Variants in PCNX1 observed in about 807,000 individuals in gnomAD.
PCNX1 encodes pecanex-like protein 1.
Under a neutral mutation model 242.2 loss-of-function variants are expected in PCNX1, and 78 were observed. The observed-to-expected ratio is 0.32, with a 90% CI of 0.27 to 0.39. The LOEUF (loss-of-function observed/expected upper bound fraction) is 0.39. Ranked by LOEUF, PCNX1 falls within the 10% of genes least tolerant of loss-of-function variation. The pLI, the probability that PCNX1 is intolerant of heterozygous loss-of-function variation, is 1.00. For synonymous variants in PCNX1, 1,024 were observed against 1,032.9 expected, an observed-to-expected ratio of 0.99 and a Z score of 0.17; for missense variants, 2,581 against 2,856.5, an observed-to-expected ratio of 0.90 and a Z score of 2.20.
intron 8 of PCNX1, among the ~76,000 whole-genome samples, chr14:70,998,065 A>T (rs962290292): frequency 2.6e-5 from 4 of 152,188 alleles, no homozygotes; most frequent in African/African-American, 9.7e-5. Flanking sequence ...AAGCATACAT[A>T]CACACATACA....
chr14:70,992,776 C>CTT (rs1566670441), intron 7 of PCNX1, among the ~76,000 whole-genome samples: 9 of 152,014 alleles, frequency 5.9e-5, no homozygotes, highest in African/African-American at 2.2e-4. Context: ...GACATAGAAG[C>CTT]GTAAAAAAAG....
chr14:70,920,231 A>G (rs930230887), intron 1 of PCNX1, among the ~76,000 whole-genome samples: 1 of 152,216 alleles, frequency 6.6e-6, no homozygotes, highest in African/African-American at 2.4e-5. Flanking sequence ...TTACATAACC[A>G]TGGTTTCAAA....
At chr14:71,106,900 C>G (rs901891097) in intron 33 of PCNX1, among the ~76,000 whole-genome samples, 1 of 152,176 alleles carries the variant, frequency 6.6e-6, no homozygotes, top group African/African-American at 2.4e-5. Flanking sequence ...TTTTCATTCT[C>G]TTACTGTGAA....
At chr14:71,004,242 C>T (rs1029418774) in intron 8 of PCNX1, among the ~76,000 whole-genome samples, 2 of 152,200 alleles carry the variant, frequency 1.3e-5, no homozygotes, top group African/African-American at 4.8e-5. Flanking sequence ...AGTTTTCTGA[C>T]CTTTTTATTT....
intron 1 of PCNX1, among the ~76,000 whole-genome samples, chr14:70,908,775 A>G (rs892715013): frequency 6.6e-6 from 1 of 152,220 alleles, no homozygotes; most frequent in African/African-American, 2.4e-5. Flanking sequence ...GCTTGGTTCA[A>G]GGCCTTTGGC....
At chr14:71,059,487 G>T (rs920933557) in intron 26 of PCNX1, among the ~76,000 whole-genome samples, 2 of 151,934 alleles carry the variant, frequency 1.3e-5, no homozygotes, top group African/African-American at 4.8e-5. Context: ...GGGCTCAAGG[G>T]ATCCTCTTGC....
At chr14:70,982,234 G>A (rs994247169) in intron 6 of PCNX1, among the ~76,000 whole-genome samples, 6 of 152,110 alleles carry the variant, frequency 3.9e-5, no homozygotes, top group Admixed American at 2.6e-4. Flanking sequence ...TTACTAAATA[G>A]AAGGACTCTC....
In PCNX1 at chr14:70,974,861, CT is replaced by C. The variant is rs2058648603; in HGVS notation, c.605-2076del. ...TTGAGCCTCTTAACTTTGATATAAT[CT>C]TTTTCATATGGGTAACAGTAAGAAA... On this transcript the variant is annotated intron_variant, in intron 5 of 35. Transcript: ENST00000304743. 2.0e-5 allele frequency among the ~76,000 whole-genome samples: 3 copies of C among 152,084 alleles called. No individual in the cohort carries two copies. In the South Asian group the frequency reaches 6.2e-4, roughly 32 times the overall value.
chr14:70,908,574 C>T (rs564096323), intron 1 of PCNX1, among the ~76,000 whole-genome samples: 1 of 152,372 alleles, frequency 6.6e-6, no homozygotes, highest in South Asian at 2.1e-4. Flanking sequence ...GCTCGTCCTC[C>T]AGGGGTCCTG....
At chr14:70,909,181 G>A (rs965707272) in intron 1 of PCNX1, among the ~76,000 whole-genome samples, 2 of 152,048 alleles carry the variant, frequency 1.3e-5, no homozygotes, top group African/African-American at 4.8e-5. Flanking sequence ...GGCAGGAAAA[G>A]TGTCTGCTTG....
At chr14:71,046,557 A>C (rs1053686454) in intron 20 of PCNX1, among the ~76,000 whole-genome samples, 1 of 152,116 alleles carries the variant, frequency 6.6e-6, no homozygotes, top group African/African-American at 2.4e-5. Context: ...CAATGAAATA[A>C]TATTGTAGCA....
rs1036925282 is a variant in PCNX1 at position 71,045,048 on chromosome 14, A to G, written c.3868-85A>G. 2.0e-5 allele frequency: 18 copies of G among 916,126 alleles called. No individual in the cohort carries two copies. The African/African-American group carries it at 2.7e-4, about 14-fold the overall frequency. The allele number at this position is 916,126 out of a possible 1,614,324, so 56.7% of individuals were successfully genotyped here. ...TAAAATGGACGTTGTCCATTATCAG[A>G]TGGAAAATTGAACTGACAAATTAGA... On this transcript the variant is annotated intron_variant, in intron 19 of 35. Transcript: ENST00000304743.
At chr14:71,086,913 G>C (rs1311285008) in intron 28 of PCNX1, among the ~76,000 whole-genome samples, 2 of 152,060 alleles carry the variant, frequency 1.3e-5, no homozygotes, top group Admixed American at 6.6e-5. Flanking sequence ...CATGTATTCT[G>C]CCCAGTCTTT....
At chr14:70,959,547 A>G (rs1224327837) in intron 2 of PCNX1, among the ~76,000 whole-genome samples, 2 of 151,838 alleles carry the variant, frequency 1.3e-5, no homozygotes, top group Non-Finnish European at 2.9e-5. Context: ...TGTCCCTACA[A>G]AGGACAGGAA....
rs189076372 is a variant in PCNX1 at position 70,959,395 on chromosome 14, A to G, written c.363-2831A>G. Among the ~76,000 whole-genome samples, 256 of 96,758 alleles carry G rather than the reference A, an allele frequency of 2.6e-3. 1 individual carries two copies. The highest frequency in any genetic ancestry group is 3.9e-3 in the Non-Finnish European group (204 of 51,936). 63.5% of individuals were successfully genotyped at this position (96,758 alleles called of 152,430 possible). A position where few individuals can be genotyped will look rare whatever the true frequency, so the allele number is the denominator to read the frequency against. ...CCCTCCCCCCTCCCCCCACCCCACA[A>G]CAGTCCCCAGAGTGTGATGTTCTCT... On this transcript the variant is annotated intron_variant, in intron 2 of 35. Coordinates refer to ENST00000304743, the MANE Select transcript of PCNX1 (RefSeq NM_014982.3).
intron 1 of PCNX1, among the ~76,000 whole-genome samples, chr14:70,922,758 CT>C (rs200836942): frequency 0.011 from 1,486 of 132,270 alleles, 7 homozygotes; most frequent in Admixed American, 0.019. Context: ...AGGTCATTAC[CT>C]TTTTTTTTTT....
chr14:70,935,271 G>C (rs774782983), intron 1 of PCNX1, among the ~76,000 whole-genome samples: 26 of 152,242 alleles, frequency 1.7e-4, no homozygotes, highest in Middle Eastern at 3.4e-3. Context: ...TCTGAGCTGG[G>C]CACAGTGTCT....
At chr14:71,089,977 C>G (rs992718741) in intron 30 of PCNX1, among the ~76,000 whole-genome samples, 4 of 152,062 alleles carry the variant, frequency 2.6e-5, no homozygotes, top group African/African-American at 4.8e-5. Flanking sequence ...TATTTACAAG[C>G]TGTAAGTAAA....
intron 26 of PCNX1, among the ~76,000 whole-genome samples, chr14:71,072,207 A>G (rs540749411): frequency 1.3e-5 from 2 of 152,182 alleles, no homozygotes; most frequent in Non-Finnish European, 2.9e-5. Flanking sequence ...GTTGTCAAAA[A>G]CCTTCAATTT....
Sources: allele counts gnomAD v4.1 joint callset (sites outside exome capture counted in the v4.1 genomes callset), GRCh38; gene constraint gnomAD v4.1.1; transcripts MANE v1.5; gene names NCBI Gene and HGNC (gene_info 2026-07-23, HGNC 2026-07-21).